The following CCDC171 variants were observed in gnomAD, a reference collection of about 807,000 sequenced individuals.
CCDC171 encodes the protein coiled-coil domain containing 171, also known as coiled-coil domain-containing protein 171.
CCDC171 carries 177 observed loss-of-function variants against 168.2 expected under a neutral mutation model. That is an observed-to-expected ratio of 1.05 (90% CI 0.93 to 1.19). The LOEUF is 1.19. Among genes scored for constraint, CCDC171 ranks in the 50% most tolerant of loss-of-function variants. The pLI is 0.00. For synonymous variants in CCDC171, 687 were observed against 540.8 expected, an observed-to-expected ratio of 1.27 and a Z score of -3.75; for missense variants, 1,991 against 1,539.0, an observed-to-expected ratio of 1.29 and a Z score of -4.91.
intron 21 of CCDC171, among the ~76,000 whole-genome samples, chr9:15,788,604 A>G (rs2058089272): frequency 6.6e-6 from 1 of 151,096 alleles, no homozygotes; most frequent in African/African-American, 2.4e-5. Flanking sequence ...TTTTTTTTAA[A>G]GACAGGGCCT....
chr9:15,641,793 C>T (rs527638429), intron 7 of CCDC171, among the ~76,000 whole-genome samples: 1 of 152,206 alleles, frequency 6.6e-6, no homozygotes, highest in African/African-American at 2.4e-5. Context: ...AATCTCTTGG[C>T]AGTACATTGC....
the CCDC171 span, among the ~76,000 whole-genome samples, chr9:16,095,740 C>T: frequency 6.6e-6 from 1 of 151,810 alleles, no homozygotes; most frequent in East Asian, 1.9e-4. Context: ...CCAGATGTGA[C>T]CCTGGCTAAG....
chr9:16,057,872 C>T (rs1833867346), intron 1 of CCDC171, among the ~76,000 whole-genome samples: 2 of 152,116 alleles, frequency 1.3e-5, no homozygotes, highest in Admixed American at 6.5e-5. Flanking sequence ...GGCTGGGACA[C>T]CTCCCTCTAT....
intron 3 of CCDC171, among the ~76,000 whole-genome samples, chr9:15,984,596 A>C (rs540085799): frequency 6.6e-6 from 1 of 152,150 alleles, no homozygotes; most frequent in African/African-American, 2.4e-5. Context: ...TCATGGGGTT[A>C]TTTTAAATAC....
At chr9:16,081,538 C>T in the CCDC171 span, among the ~76,000 whole-genome samples, 1 of 152,134 alleles carries the variant, frequency 6.6e-6, no homozygotes, top group South Asian at 2.1e-4. Flanking sequence ...AATTTGCAAT[C>T]GTGAGGAAAG....
At position 15,917,478 on chromosome 9, in the gene CCDC171, C is replaced by A. The variant is rs530606758; in HGVS notation, c.3601-2792C>A. Among the ~76,000 whole-genome samples, 149 of 150,530 alleles carry A rather than the reference C, an allele frequency of 9.9e-4. 1 individual carries two copies. Among genetic ancestry groups the A allele is most frequent in the Non-Finnish European group, 6.7e-4 (45 of 67,102 alleles). On this transcript the variant is annotated intron_variant, in intron 24 of 25. Coordinates refer to ENST00000380701, the MANE Select transcript of CCDC171 (RefSeq NM_173550.4). ...CTAAGAAAAATTGGATTATTATATT[C>A]TTTTTAGTGTTATAAAGAAGTAGTA...
At chr9:15,736,543 G>C (rs1275393389) in intron 16 of CCDC171, among the ~76,000 whole-genome samples, 1 of 152,042 alleles carries the variant, frequency 6.6e-6, no homozygotes, top group East Asian at 1.9e-4. Flanking sequence ...GTAGAGACGG[G>C]GTTTCGCCCT....
chr9:15,804,462 C>CT (rs34512340), intron 21 of CCDC171, among the ~76,000 whole-genome samples: 60,000 of 147,726 alleles, frequency 0.41, 12,106 homozygotes, highest in African/African-American at 0.45. Context: ...TATCGAAGGC[C>CT]TTTTTTTTTT....
chr9:16,090,201 A>G, the CCDC171 span, among the ~76,000 whole-genome samples: 16 of 152,252 alleles, frequency 1.1e-4, no homozygotes, highest in African/African-American at 3.4e-4. Flanking sequence ...ATGGATAAAG[A>G]AAATGTGACA....
chr9:16,004,460 G>T (rs946609849), intron 3 of CCDC171, among the ~76,000 whole-genome samples: 3 of 152,194 alleles, frequency 2.0e-5, no homozygotes, highest in Non-Finnish European at 4.4e-5. Flanking sequence ...ATGACGAGCT[G>T]GTGGCCCAGT....
chr9:16,062,959 G>A (rs897932645), downstream of CCDC171, among the ~76,000 whole-genome samples: 4 of 152,126 alleles, frequency 2.6e-5, no homozygotes, highest in Non-Finnish European at 5.9e-5. Context: ...TAGTGAAACC[G>A]AAGATGGGGC....
At chr9:15,581,950 G>C (rs974707342) in intron 4 of CCDC171, among the ~76,000 whole-genome samples, 1 of 152,186 alleles carries the variant, frequency 6.6e-6, no homozygotes, top group African/African-American at 2.4e-5. Flanking sequence ...TTAAACTAAA[G>C]AGCTTCTGCA....
chr9:15,998,058 C>G (rs1832425236), intron 3 of CCDC171, among the ~76,000 whole-genome samples: 1 of 152,012 alleles, frequency 6.6e-6, no homozygotes, highest in African/African-American at 2.4e-5. Context: ...AGTGTGCCCC[C>G]TTTGAAGACC....
the CCDC171 span, among the ~76,000 whole-genome samples, chr9:16,072,688 C>T: frequency 5.9e-5 from 9 of 152,242 alleles, no homozygotes; most frequent in East Asian, 1.2e-3. Flanking sequence ...ACCACTGGAG[C>T]GCCGCCAAAG....
At chr9:16,063,541 A>G (rs1054194565), downstream of CCDC171, among the ~76,000 whole-genome samples, 13 of 152,194 alleles carry the variant, frequency 8.5e-5, no homozygotes, top group Non-Finnish European at 1.9e-4. Flanking sequence ...TTTCATTTGC[A>G]TTGGTTTACT....
intron 25 of CCDC171, among the ~76,000 whole-genome samples, chr9:15,951,831 A>G (rs1051342613): frequency 2.6e-5 from 4 of 152,072 alleles, no homozygotes; most frequent in African/African-American, 9.7e-5. Context: ...TACTCTGTTC[A>G]TAGTGTCCTT....
chr9:15,807,943 T>C (rs1033867969), intron 21 of CCDC171, among the ~76,000 whole-genome samples: 3 of 151,606 alleles, frequency 2.0e-5, no homozygotes, highest in Non-Finnish European at 4.4e-5. Flanking sequence ...TCTTATTAGG[T>C]TTTTTTGCCC....
chr9:15,816,153 C>G (rs1298632833), intron 21 of CCDC171, among the ~76,000 whole-genome samples: 2 of 116,998 alleles, frequency 1.7e-5, no homozygotes, highest in Non-Finnish European at 3.8e-5. Context: ...ATTTTAAAAA[C>G]GTTTTTTCAT....
chr9:15,560,280 A>T (rs1443657085), intron 1 of CCDC171, among the ~76,000 whole-genome samples: 3 of 151,984 alleles, frequency 2.0e-5, no homozygotes, highest in Non-Finnish European at 4.4e-5. Context: ...GGCCTGCCTC[A>T]CTAGGTTGGG....
Sources: gnomAD v4.1 joint callset for allele counts (sites outside exome capture counted in the v4.1 genomes callset) on GRCh38, gnomAD v4.1.1 for gene constraint, MANE v1.5 for transcripts, NCBI Gene and HGNC (gene_info 2026-07-23, HGNC 2026-07-21) for gene names.